Variants in PCDHGC5 observed in about 807,000 individuals in gnomAD.
PCDHGC5 encodes the protein protocadherin gamma subfamily C, 5, also known as protocadherin gamma-C5.
A neutral mutation model predicts 59.0 loss-of-function variants in PCDHGC5; 25 were observed. The observed-to-expected ratio is 0.42, with a 90% CI of 0.31 to 0.59. PCDHGC5 has a LOEUF of 0.59. PCDHGC5 is among the 20% of genes least tolerant of loss of function. PCDHGC5 has a pLI of 0.13. For synonymous variants in PCDHGC5, 434 were observed against 505.5 expected, an observed-to-expected ratio of 0.86 and a Z score of 1.90; for missense variants, 1,067 against 1,206.4, an observed-to-expected ratio of 0.88 and a Z score of 1.71.
intron 2 of PCDHGC5, 91 bp from the exon 3 acceptor site, chr5:141,505,302 G>T: frequency 6.3e-7 from 1 of 1,592,714 alleles, no homozygotes; most frequent in Non-Finnish European, 8.5e-7. Context: ...TAGGGTTAGG[G>T]TACTAGGTTT....
chr5:141,490,184 TC>T lies in PCDHGC5; in HGVS notation c.945del (p.Tyr316MetfsTer20), dbSNP rs1293752541. The T allele has an allele frequency of 1.2e-6, 2 of 1,614,196 alleles. No individual in the cohort carries two copies. The highest frequency in any genetic ancestry group is 1.7e-6 in the Non-Finnish European group (2 of 1,180,030). On this transcript the variant is annotated frameshift_variant, in exon 1 of 4. Coordinates refer to ENST00000252087, the MANE Select transcript of PCDHGC5 (RefSeq NM_018929.3). LOFTEE classifies it high-confidence loss of function. This position sits in a 1 kb window ranked among gnomAD's most constrained non-coding sequence, Gnocchi z 5.4. The stretch of plus-strand genomic sequence containing the variant: ...CCCATAGACTTTGAGGAGTCACGTT[TC>T]TATGAAATTCATGCAAGAGCCCGTG... ...LGPIDFEESR[F>X]YEIHARARDQ...
Position 141,511,380 on chromosome 5 carries a change from C to G in PCDHGC5, c.*207C>G. The G allele has an allele frequency of 7.7e-6, 9 of 1,170,490 alleles. No individual in the cohort carries two copies. The highest frequency in any genetic ancestry group is 1.1e-5 in the Non-Finnish European group (9 of 854,564). 72.5% of individuals were successfully genotyped at this position (1,170,490 alleles called of 1,614,324 possible). A position where few individuals can be genotyped will look rare whatever the true frequency, so the allele number is the denominator to read the frequency against. On this transcript the variant is annotated 3_prime_UTR_variant, in exon 4 of 4. Transcript: ENST00000252087. ...GGGGTTGAATATGCAAAAGCAGTTC[C>G]GCTGGGAACCCCCATCCAATCAACT...
chr5:141,501,290 T>C lies in PCDHGC5; in HGVS notation c.2520-4103T>C, dbSNP rs796726601. Among the ~76,000 whole-genome samples, 19 of 136,248 alleles carry C rather than the reference T, an allele frequency of 1.4e-4. No individual in the cohort carries two copies. The South Asian group carries it at 2.4e-3, about 17-fold the overall frequency. 89.4% of individuals were successfully genotyped at this position (136,248 alleles called of 152,430 possible). ...GTCCAGTCTATGGGATATTCCCTTA[T>C]ACACACACACACACACACACACACA... On this transcript the variant is annotated intron_variant, in intron 2 of 3. Coordinates refer to ENST00000252087, the MANE Select transcript of PCDHGC5 (RefSeq NM_018929.3).
chr5:141,510,847 A>C (rs1279701390), intron 3 of PCDHGC5, 100 bp from the exon 4 acceptor site: 1 of 1,595,232 alleles, frequency 6.3e-7, no homozygotes, highest in Non-Finnish European at 8.6e-7. Context: ...GTCAAGGCCC[A>C]GGGTGCTGTA....
chr5:141,490,412 C>T lies in PCDHGC5; in HGVS notation c.1172C>T (p.Pro391Leu), dbSNP rs2233605. 10 of 1,614,062 alleles carry T rather than the reference C, an allele frequency of 6.2e-6. No homozygotes were observed. The highest frequency in any genetic ancestry group is 4.0e-5 in the African/African-American group (3 of 74,910). Reference protein sequence around the residue: ...RNGEVSLDISPDLPFQIKPSE... With the variant: ...RNGEVSLDISLDLPFQIKPSE... Reference sequence around the variant, plus strand: ...GGTGAAGTGAGCCTTGATATCTCTCCGGACCTGCCATTTCAGATTAAGCCT... The same window carrying T: ...GGTGAAGTGAGCCTTGATATCTCTCTGGACCTGCCATTTCAGATTAAGCCT... Residue 391 changes from proline (P) to leucine (L), a missense_variant, in exon 1 of 4, where the codon CCG (proline) becomes CTG (leucine). By Grantham distance (98) the Pro-to-Leu change is moderately conservative. Transcript: ENST00000252087. This position sits in a 1 kb window ranked among gnomAD's most constrained non-coding sequence, Gnocchi z 5.4.
In PCDHGC5 at chr5:141,491,257, G is replaced by A. The variant is rs754721047; in HGVS notation, c.2017G>A (p.Glu673Lys). 2 of 1,614,170 alleles carry A rather than the reference G, an allele frequency of 1.2e-6. No individual in the cohort carries two copies. The highest frequency in any genetic ancestry group is 3.3e-5 in the Admixed American group (2 of 60,020). The change falls in exon 1 of 4, where the codon GAA (glutamate) becomes AAA (lysine). Residue 673 changes from glutamate to lysine, a missense_variant. Coordinates refer to ENST00000252087, the MANE Select transcript of PCDHGC5 (RefSeq NM_018929.3). This position sits in a 1 kb window ranked among gnomAD's most constrained non-coding sequence, Gnocchi z 6.9. ...GGTTCTGGAGGATGAGGACCCTGAG[G>A]AAATGCCCAAATCCAGTGACTTCCT... is the stretch of plus-strand genomic sequence containing the variant. ...LLVLEDEDPE[E>K]MPKSSDFLIH...
At position 141,494,693 on chromosome 5, in the gene PCDHGC5, G is replaced by A. The variant is rs2099756182; in HGVS notation, c.2461-114G>A. The A allele has an allele frequency of 5.0e-6, 8 of 1,585,786 alleles. No individual in the cohort carries two copies. In the South Asian group the frequency reaches 6.8e-5, roughly 13 times the overall value. ...GTCCACCCCTGCCCCCTCTTAGTCC[G>A]TTTTCTTCTCTGTGCCCACTCCCCT... is the stretch of plus-strand genomic sequence containing the variant. On this transcript the variant is annotated intron_variant, in intron 1 of 3. Transcript: ENST00000252087.
Position 141,491,401 on chromosome 5 carries a change from G to A in PCDHGC5, c.2161G>A (p.Ala721Thr). The A allele has an allele frequency of 6.2e-7, 1 of 1,614,100 alleles. No homozygotes were observed. ...GTCAGCGAAGTGCCTTCAGGGAAAC[G>A]CAGACGGGGACGGGGGTGGAGGGCA... ...FLSAKCLQGN[A>T]DGDGGGGQCC... is the part of the protein sequence containing the mutation. Residue 721 changes from alanine (A) to threonine (T), a missense_variant, in exon 1 of 4, where the codon GCA becomes ACA. Physicochemically the swap from Ala to Thr is moderately conservative, Grantham distance 58 (BLOSUM62 0). Transcript: ENST00000252087. This position sits in a 1 kb window ranked among gnomAD's most constrained non-coding sequence, Gnocchi z 6.9.
At position 141,491,770 on chromosome 5, in the gene PCDHGC5, G is replaced by C. The variant is rs1230581925; in HGVS notation, c.2460+70G>C. 1 of 1,560,888 alleles carries C rather than the reference G, an allele frequency of 6.4e-7. No individual in the cohort carries two copies. Among genetic ancestry groups the C allele is most frequent in the Non-Finnish European group, 8.7e-7 (1 of 1,154,942 alleles). On this transcript the variant is annotated intron_variant, in intron 1 of 3. Coordinates refer to ENST00000252087, the MANE Select transcript of PCDHGC5 (RefSeq NM_018929.3). This position sits in a 1 kb window ranked among gnomAD's most constrained non-coding sequence, Gnocchi z 6.9. ...TGGAGAAGCCGCCCGTCCTCATAAG[G>C]GATTGAACTTGCATCCACTCCTCTC...
Position 141,511,606 on chromosome 5 carries a change from G to A in PCDHGC5, c.*433G>A, listed in dbSNP as rs1160129762. The stretch of plus-strand genomic sequence containing the variant: ...TGTTGAAGTACCAAGTAACCTACAA[G>A]CCTCCTAGTTCTGAAAAGTTGGAAG... On this transcript the variant is annotated 3_prime_UTR_variant, in exon 4 of 4. Transcript: ENST00000252087. 2 of 248,594 alleles carry A rather than the reference G, an allele frequency of 8.0e-6. No individual in the cohort carries two copies. Among genetic ancestry groups the A allele is most frequent in the Non-Finnish European group, 1.6e-5 (2 of 123,946 alleles). 15.4% of individuals were successfully genotyped at this position (248,594 alleles called of 1,614,324 possible). A position where few individuals can be genotyped will look rare whatever the true frequency, so the allele number is the denominator to read the frequency against.
Position 141,489,245 on chromosome 5 carries a change from G to A in PCDHGC5, c.5G>A (p.Gly2Glu), listed in dbSNP as rs773391205. 3 of 1,536,634 alleles carry A rather than the reference G, an allele frequency of 2.0e-6. No homozygotes were observed. The South Asian group carries it at 3.9e-5, about 20-fold the overall frequency. The change falls in exon 1 of 4, where the codon GGG becomes GAG. Residue 2 changes from glycine (G) to glutamate (E), a missense_variant. Transcript: ENST00000252087. The surrounding 1 kb of genome is among the most constrained non-coding windows in gnomAD (Gnocchi z 4.5). M[G>E]PKTLPQLAGK... The stretch of plus-strand genomic sequence containing the variant: ...CCACAAAGGGACTTCTGGGTCATGG[G>A]GCCCAAGACACTCCCACAGCTCGCT...
At chr5:141,492,195 CTT>C (rs1240529719) in intron 1 of PCDHGC5, among the ~76,000 whole-genome samples, 1 of 152,242 alleles carries the variant, frequency 6.6e-6, no homozygotes, top group Non-Finnish European at 1.5e-5. Context: ...GTCTGCGGGA[CTT>C]AGGTGTGCGC....
In PCDHGC5 at chr5:141,491,759, G is replaced by A; in HGVS notation, c.2460+59G>A. On this transcript the variant is annotated intron_variant, in intron 1 of 3. Coordinates refer to ENST00000252087, the MANE Select transcript of PCDHGC5 (RefSeq NM_018929.3). The surrounding 1 kb of genome is among the most constrained non-coding windows in gnomAD (Gnocchi z 6.9). ...GGGGGCGGCACTGGAGAAGCCGCCC[G>A]TCCTCATAAGGGATTGAACTTGCAT... 2 of 1,575,392 alleles carry A rather than the reference G, an allele frequency of 1.3e-6. No homozygotes were observed. The highest frequency in any genetic ancestry group is 1.9e-5 in the Admixed American group (1 of 52,640).
intron 2 of PCDHGC5, among the ~76,000 whole-genome samples, chr5:141,497,671 C>T (rs1026356633): frequency 6.6e-5 from 10 of 151,878 alleles, no homozygotes; most frequent in African/African-American, 2.4e-4. Flanking sequence ...TCCCGAGTAG[C>T]TGGGACAGCA....
rs144804989 is a variant in PCDHGC5 at position 141,489,791 on chromosome 5, C to T, written c.551C>T (p.Thr184Ile). 1.9e-6 allele frequency: 3 copies of T among 1,614,056 alleles called. No individual in the cohort carries two copies. Among genetic ancestry groups the T allele is most frequent in the Admixed American group, 1.7e-5 (1 of 60,010 alleles). The part of the protein sequence containing the change: ...PNSHFSLNVK[T>I]LKDGKPFPEL... Reference sequence around the variant, plus strand: ...AGCCACTTCTCTCTGAATGTGAAGACCCTAAAAGATGGGAAGCCATTCCCA... The same window carrying T: ...AGCCACTTCTCTCTGAATGTGAAGATCCTAAAAGATGGGAAGCCATTCCCA... Residue 184 changes from threonine (T) to isoleucine (I), a missense_variant, in exon 1 of 4, where the codon ACC (threonine) becomes ATC (isoleucine). By Grantham distance (89) the Thr-to-Ile change is moderately conservative. Transcript: ENST00000252087. This position sits in a 1 kb window ranked among gnomAD's most constrained non-coding sequence, Gnocchi z 4.5.
chr5:141,507,716 C>T (rs567867232), intron 3 of PCDHGC5, among the ~76,000 whole-genome samples: 1 of 152,372 alleles, frequency 6.6e-6, no homozygotes, highest in South Asian at 2.1e-4. Flanking sequence ...CCCAAACCCT[C>T]CAAGCAAGTC....
chr5:141,490,837 G>A lies in PCDHGC5; in HGVS notation c.1597G>A (p.Val533Met). Residue 533 changes from valine to methionine, a missense_variant, in exon 1 of 4, where the codon GTG (valine) becomes ATG (methionine). By Grantham distance (21) the Val-to-Met change is conservative. Coordinates refer to ENST00000252087, the MANE Select transcript of PCDHGC5 (RefSeq NM_018929.3). This position sits in a 1 kb window ranked among gnomAD's most constrained non-coding sequence, Gnocchi z 5.4. ...DYELLQMLQI[V>M]VGVRDSGSPP... ...TGAATTGCTGCAGATGCTGCAGATTGTGGTGGGGGTTCGAGACTCCGGCTC... is the reference window on the plus strand; with the variant it reads ...TGAATTGCTGCAGATGCTGCAGATTATGGTGGGGGTTCGAGACTCCGGCTC... The A allele has an allele frequency of 1.9e-6, 3 of 1,613,914 alleles. No homozygotes were observed. The highest frequency in any genetic ancestry group is 2.2e-5 in the South Asian group (2 of 91,072).
chr5:141,505,324 G>A, intron 2 of PCDHGC5, 69 bp from the exon 3 acceptor site: 2 of 1,607,104 alleles, frequency 1.2e-6, no homozygotes, highest in African/African-American at 1.3e-5. Context: ...GGAGCCCTGG[G>A]AGAGGACAGG....
Position 141,510,964 on chromosome 5 carries a change from T to C in PCDHGC5, c.2626T>C (p.Ser876Pro), listed in dbSNP as rs1237904575. 6.2e-7 allele frequency: 1 copy of C among 1,614,084 alleles called. No individual in the cohort carries two copies. Among genetic ancestry groups the C allele is most frequent in the South Asian group, 1.1e-5 (1 of 91,082 alleles). The change falls in exon 4 of 4, where the codon TCC becomes CCC. Residue 876 changes from serine to proline, a missense_variant. Coordinates refer to ENST00000252087, the MANE Select transcript of PCDHGC5 (RefSeq NM_018929.3). ...CTCTGCAGAAGCTGCTGATGGGAGC[T>C]CCACCCTGGGAGGGGGTGCCGGCAC... is the stretch of plus-strand genomic sequence containing the variant. The part of the protein sequence containing the change: ...ASASEAADGS[S>P]TLGGGAGTMG...
Sources: gnomAD v4.1 joint callset for allele counts (sites outside exome capture counted in the v4.1 genomes callset) on GRCh38, gnomAD v4.1.1 for gene constraint, Gnocchi (gnomAD v3.1) non-coding constraint, MANE v1.5 for transcripts, NCBI Gene and HGNC (gene_info 2026-07-23, HGNC 2026-07-21) for gene names.